RABGAP1: variants seen among roughly 807,000 people sequenced by gnomAD.
RABGAP1 encodes the protein rab GTPase-activating protein 1.
Under a neutral mutation model 137.6 loss-of-function variants are expected in RABGAP1, and 23 were observed. The observed-to-expected ratio is 0.17, with a 90% CI of 0.12 to 0.24. The LOEUF (loss-of-function observed/expected upper bound fraction) is 0.24, where lower values mean the gene tolerates loss of function less well. Among genes scored for constraint, RABGAP1 ranks in the 10% least tolerant of loss-of-function variants. RABGAP1 has a pLI of 1.00. For missense variants in RABGAP1, 906 were observed against 1,275.8 expected (o/e 0.71, Z 4.42); for synonymous variants, 451 against 450.7 (o/e 1.00, Z -0.01).
At chr9:122,989,076 TC>T (rs1190890729) in intron 4 of RABGAP1, among the ~76,000 whole-genome samples, 5 of 152,272 alleles carry the variant, frequency 3.3e-5, no homozygotes, top group Admixed American at 2.0e-4. Context: ...TCTGTTTGCC[TC>T]CCTAAAACAT....
intron 2 of RABGAP1, among the ~76,000 whole-genome samples, chr9:122,964,504 G>A (rs971217069): frequency 6.6e-5 from 10 of 152,142 alleles, no homozygotes; most frequent in South Asian, 2.1e-4. Flanking sequence ...AGCATTTGAC[G>A]AAAATCTAAC....
intron 14 of RABGAP1, among the ~76,000 whole-genome samples, chr9:123,068,377 A>G (rs2034249100): frequency 6.6e-6 from 1 of 151,300 alleles, no homozygotes; most frequent in Non-Finnish European, 1.5e-5. Flanking sequence ...GAAAAAATCC[A>G]TATCTAGACA....
chr9:122,951,633 C>CCAT (rs1834254603), intron 1 of RABGAP1, among the ~76,000 whole-genome samples: 2 of 151,308 alleles, frequency 1.3e-5, no homozygotes, highest in Admixed American at 1.3e-4. Context: ...CGCAGTGTCT[C>CCAT]CATCATAGTT....
At chr9:122,939,129 C>A (rs1833442564), upstream of RABGAP1, 1 of 151,706 alleles carries the variant, frequency 6.6e-6, no homozygotes, top group African/African-American at 2.4e-5. Context: ...TTAAGAAAGC[C>A]AACTGTAAAA....
At chr9:122,963,729 A>G (rs1834977423) in intron 2 of RABGAP1, among the ~76,000 whole-genome samples, 1 of 147,768 alleles carries the variant, frequency 6.8e-6, no homozygotes, top group African/African-American at 2.4e-5. Flanking sequence ...AGGTACATTA[A>G]ACCTAAAACA....
rs541540459 is a variant in RABGAP1 at position 123,058,350 on chromosome 9, A to G, written c.1795-6998A>G. Among the ~76,000 whole-genome samples the G allele has an allele frequency of 2.4e-3, 363 of 152,322 alleles. 3 individuals are homozygous for G. The highest frequency in any genetic ancestry group is 6.8e-3 in the Middle Eastern group (2 of 294). Reference sequence around the variant, plus strand: ...GCAAAAAAAAATTTTTCTAAAATCTACACTCATTTTATAAAAATAAATGGT... The same window carrying G: ...GCAAAAAAAAATTTTTCTAAAATCTGCACTCATTTTATAAAAATAAATGGT... On this transcript the variant is annotated intron_variant, in intron 13 of 25. Coordinates refer to ENST00000373647, the MANE Select transcript of RABGAP1 (RefSeq NM_012197.4).
intron 13 of RABGAP1, among the ~76,000 whole-genome samples, chr9:123,064,038 GCT>G (rs1241394181): frequency 6.6e-6 from 1 of 151,916 alleles, no homozygotes; most frequent in Non-Finnish European, 1.5e-5. Flanking sequence ...TCTCTCACTC[GCT>G]CTCACTCTCA....
At chr9:123,010,592 G>A (rs75947105) in intron 11 of RABGAP1, 64 bp downstream of exon 11, 28,745 of 1,437,092 alleles carry the variant, frequency 0.02, 490 homozygotes, top group South Asian at 0.063. Flanking sequence ...TATTAAAATC[G>A]TATCAGGGGA....
chr9:123,012,025 G>C (rs1268844068), intron 11 of RABGAP1, among the ~76,000 whole-genome samples: 5 of 152,210 alleles, frequency 3.3e-5, no homozygotes, highest in Non-Finnish European at 7.3e-5. Context: ...AGGTTACACA[G>C]CTAGAAATTG....
Position 122,989,359 on chromosome 9 carries a change from G to C in RABGAP1, c.653G>C (p.Cys218Ser), listed in dbSNP as rs772015731. Residue 218 changes from cysteine (C) to serine (S), a missense_variant, in exon 5 of 26, where the codon TGT (cysteine) becomes TCT (serine). This residue lies in a region of RABGAP1 where 331 missense variants were observed against 358.3 expected (regional missense o/e 0.92). Coordinates refer to ENST00000373647, the MANE Select transcript of RABGAP1 (RefSeq NM_012197.4). ...TACCCTATCTACAAAATCCTCTTCT[G>C]TGTCAGAGGGCATGATGGAACTCCT... Reference protein sequence around the residue: ...ANYPIYKILFCVRGHDGTPES... With the variant: ...ANYPIYKILFSVRGHDGTPES... 11 of 1,613,674 alleles carry C rather than the reference G, an allele frequency of 6.8e-6. No individual in the cohort carries two copies. The highest frequency in any genetic ancestry group is 8.5e-6 in the Non-Finnish European group (10 of 1,179,800).
At chr9:123,100,596 T>C (rs1292676651) in intron 24 of RABGAP1, among the ~76,000 whole-genome samples, 2 of 152,072 alleles carry the variant, frequency 1.3e-5, no homozygotes, top group Non-Finnish European at 2.9e-5. Flanking sequence ...AATTTTTCGA[T>C]TTTTAGTAGA....
At chr9:122,970,416 G>A (rs1330285808) in intron 2 of RABGAP1, among the ~76,000 whole-genome samples, 2 of 152,098 alleles carry the variant, frequency 1.3e-5, no homozygotes, top group Non-Finnish European at 1.5e-5. Flanking sequence ...CTGCAGTTCA[G>A]CCTGGGCAAC....
the RABGAP1 span, among the ~76,000 whole-genome samples, chr9:122,935,830 C>G: frequency 6.6e-6 from 1 of 152,168 alleles, no homozygotes; most frequent in Non-Finnish European, 1.5e-5. Flanking sequence ...TTCTCTTTAG[C>G]ATTTCTTGAA....
chr9:123,037,721 T>A (rs1029078278), intron 13 of RABGAP1, among the ~76,000 whole-genome samples: 4 of 152,130 alleles, frequency 2.6e-5, no homozygotes, highest in Non-Finnish European at 5.9e-5. Context: ...TTGATCTTAT[T>A]TTGTTGTGTG....
chr9:122,975,076 G>A (rs1011884260), intron 2 of RABGAP1, among the ~76,000 whole-genome samples: 1 of 152,156 alleles, frequency 6.6e-6, no homozygotes, highest in Non-Finnish European at 1.5e-5. Context: ...CTGAAGCTCA[G>A]CAATATTACT....
chr9:122,973,563 C>T (rs1389601351), intron 2 of RABGAP1, among the ~76,000 whole-genome samples: 2 of 152,092 alleles, frequency 1.3e-5, no homozygotes. Flanking sequence ...CTCTTTAATC[C>T]TCATAGAGTT....
chr9:122,974,722 T>C (rs1239685346), intron 2 of RABGAP1, among the ~76,000 whole-genome samples: 1 of 152,230 alleles, frequency 6.6e-6, no homozygotes, highest in Non-Finnish European at 1.5e-5. Flanking sequence ...CAGTTGACTT[T>C]TCAGGATAAA....
intron 2 of RABGAP1, among the ~76,000 whole-genome samples, chr9:122,962,727 A>G (rs932119157): frequency 6.6e-6 from 1 of 152,162 alleles, no homozygotes; most frequent in Admixed American, 6.6e-5. Context: ...TCCTGAATCC[A>G]GCTATATCAA....
chr9:123,076,178 A>AT, intron 17 of RABGAP1, 67 bp from the exon 18 acceptor site: 1 of 1,494,540 alleles, frequency 6.7e-7, no homozygotes, highest in Non-Finnish European at 9.2e-7. Context: ...TGTGGGGTAT[A>AT]AGGACAAATA....
Sources: allele counts gnomAD v4.1 joint callset (sites outside exome capture counted in the v4.1 genomes callset), GRCh38; gene constraint gnomAD v4.1.1; regional missense constraint gnomAD v4.1.1; transcripts MANE v1.5; gene names NCBI Gene and HGNC (gene_info 2026-07-23, HGNC 2026-07-21).